Variants in HS2ST1 observed in about 807,000 individuals in gnomAD.
HS2ST1 encodes the protein 2-O-sulfotransferase.
Under a neutral mutation model 42.9 loss-of-function variants are expected in HS2ST1, and 18 were observed. That is an observed-to-expected ratio of 0.42 (90% CI 0.29 to 0.62). The LOEUF (loss-of-function observed/expected upper bound fraction) is 0.62, where lower values mean the gene tolerates loss of function less well. HS2ST1 is among the 20% of genes least tolerant of loss of function. HS2ST1 has a pLI of 0.21. For synonymous variants in HS2ST1, 146 were observed against 152.9 expected, an observed-to-expected ratio of 0.95 and a Z score of 0.33; for missense variants, 334 against 433.8, an observed-to-expected ratio of 0.77 and a Z score of 2.04.
intron 1 of HS2ST1, among the ~76,000 whole-genome samples, chr1:87,035,702 T>C (rs1650356573): frequency 6.6e-6 from 1 of 152,218 alleles, no homozygotes; most frequent in African/African-American, 2.4e-5. Flanking sequence ...TAAGAAAGTA[T>C]CCTAAGTATG....
intron 3 of HS2ST1, among the ~76,000 whole-genome samples, chr1:87,087,951 T>C (rs891096136): frequency 4.6e-5 from 7 of 152,098 alleles, no homozygotes; most frequent in Admixed American, 1.3e-4. Context: ...GTTTCAGATC[T>C]TTGAGCTTCA....
At chr1:86,946,839 G>A (rs1451365029) in intron 1 of HS2ST1, among the ~76,000 whole-genome samples, 1 of 152,088 alleles carries the variant, frequency 6.6e-6, no homozygotes, top group African/African-American at 2.4e-5. Context: ...TACCATATAT[G>A]TTCTGAAAAA....
intron 1 of HS2ST1, among the ~76,000 whole-genome samples, chr1:87,053,683 T>G (rs1299075300): frequency 6.6e-6 from 1 of 152,198 alleles, no homozygotes; most frequent in East Asian, 1.9e-4. Context: ...CAGTAAGACA[T>G]GAAACTAGCA....
chr1:86,997,552 C>A (rs1008529857), intron 1 of HS2ST1, among the ~76,000 whole-genome samples: 5 of 152,262 alleles, frequency 3.3e-5, no homozygotes, highest in Admixed American at 6.5e-5. Context: ...GTTCTGTGAT[C>A]TTTATCTTAT....
At chr1:87,060,287 T>A (rs1378213744) in intron 1 of HS2ST1, among the ~76,000 whole-genome samples, 1 of 152,204 alleles carries the variant, frequency 6.6e-6, no homozygotes, top group Non-Finnish European at 1.5e-5. Context: ...AAAATGCTTT[T>A]GCAATCCCAA....
intron 1 of HS2ST1, among the ~76,000 whole-genome samples, chr1:87,055,441 T>C (rs538247545): frequency 6.6e-6 from 1 of 152,338 alleles, no homozygotes; most frequent in African/African-American, 2.4e-5. Context: ...CCAGTCCCCA[T>C]GCTTCTTCCT....
intron 4 of HS2ST1, among the ~76,000 whole-genome samples, chr1:87,093,216 G>T (rs1651986816): frequency 6.6e-6 from 1 of 151,964 alleles, no homozygotes; most frequent in African/African-American, 2.4e-5. Flanking sequence ...CCTTTACTGG[G>T]ACTTCATGCT....
Position 87,053,975 on chromosome 1 carries a change from C to T in HS2ST1, c.125-18959C>T, listed in dbSNP as rs1295772546. On this transcript the variant is annotated intron_variant, in intron 1 of 6. Coordinates refer to ENST00000370550, the MANE Select transcript of HS2ST1 (RefSeq NM_012262.4). ...TTTACTCCTTTTACATCAGCTGATG[C>T]CTTTGTGTTGTGACTCTTAATTTCT... 2.6e-5 allele frequency among the ~76,000 whole-genome samples: 4 copies of T among 152,000 alleles called. No homozygotes were observed. In the East Asian group the frequency reaches 7.7e-4, roughly 29 times the overall value.
At chr1:87,044,268 T>A (rs1650590456) in intron 1 of HS2ST1, among the ~76,000 whole-genome samples, 2 of 152,134 alleles carry the variant, frequency 1.3e-5, no homozygotes, top group African/African-American at 4.8e-5. Flanking sequence ...TTTATTTAAT[T>A]TTGTAACAAG....
chr1:86,957,828 C>T (rs1259057760), intron 1 of HS2ST1, among the ~76,000 whole-genome samples: 8 of 123,632 alleles, frequency 6.5e-5, no homozygotes, highest in African/African-American at 2.5e-4. Context: ...GAGTTTCATT[C>T]TAGTCATCCA....
intron 1 of HS2ST1, among the ~76,000 whole-genome samples, chr1:86,952,291 CCTGTGG>C (rs2102187542): frequency 6.6e-6 from 1 of 152,246 alleles, no homozygotes; most frequent in Non-Finnish European, 1.5e-5. Context: ...AGGCTGGAGT[CCTGTGG>C]TGTGATCTCG....
At chr1:86,961,430 G>A (rs1048689976) in intron 1 of HS2ST1, among the ~76,000 whole-genome samples, 2 of 151,928 alleles carry the variant, frequency 1.3e-5, no homozygotes, top group Admixed American at 6.6e-5. Context: ...AATGATTACC[G>A]GAAGGATAGT....
intron 4 of HS2ST1, among the ~76,000 whole-genome samples, chr1:87,094,262 T>C (rs1211124603): frequency 6.6e-6 from 1 of 151,980 alleles, no homozygotes; most frequent in Non-Finnish European, 1.5e-5. Context: ...TATCCATCAT[T>C]TATCATTGTC....
rs972306440 is a variant in HS2ST1, at chr1:87,067,849, G to T, written c.125-5085G>T. ...AATCCTTTCCCCATTGCTTGTTTTT[G>T]TCAGGTTTGTCAAAGATCAGATGGT... On this transcript the variant is annotated intron_variant, in intron 1 of 6. Coordinates refer to ENST00000370550, the MANE Select transcript of HS2ST1 (RefSeq NM_012262.4). Among the ~76,000 whole-genome samples, 6 of 152,078 alleles carry T rather than the reference G, an allele frequency of 3.9e-5. No individual in the cohort carries two copies. In the South Asian group the frequency reaches 1.2e-3, roughly 32 times the overall value.
chr1:86,996,468 CA>C (rs150416035), intron 1 of HS2ST1, among the ~76,000 whole-genome samples: 3,405 of 143,008 alleles, frequency 0.024, 70 homozygotes, highest in African/African-American at 0.051. Flanking sequence ...AAAAAAGTAA[CA>C]GAAGTATGGC....
chr1:87,036,883 A>T (rs563062068), intron 1 of HS2ST1, among the ~76,000 whole-genome samples: 1 of 152,296 alleles, frequency 6.6e-6, no homozygotes, highest in South Asian at 2.1e-4. Context: ...TTTCTGAGAG[A>T]TTGTCATCAA....
At chr1:86,937,533 C>T (rs1378416938) in intron 1 of HS2ST1, among the ~76,000 whole-genome samples, 3 of 152,118 alleles carry the variant, frequency 2.0e-5, no homozygotes, top group African/African-American at 7.2e-5. Context: ...AATTATAAAA[C>T]AGTAGAATCA....
At chr1:86,990,971 G>A (rs775478068) in intron 1 of HS2ST1, among the ~76,000 whole-genome samples, 5 of 148,266 alleles carry the variant, frequency 3.4e-5, no homozygotes, top group African/African-American at 9.9e-5. Context: ...TGAGTGCCCA[G>A]CTGGACCCTG....
chr1:87,051,493 A>G (rs1271282143), intron 1 of HS2ST1, among the ~76,000 whole-genome samples: 2 of 152,236 alleles, frequency 1.3e-5, no homozygotes, highest in African/African-American at 4.8e-5. Context: ...AAGATCAACA[A>G]ATTATTTTAA....
Sources: allele counts gnomAD v4.1 joint callset (sites outside exome capture counted in the v4.1 genomes callset), GRCh38; gene constraint gnomAD v4.1.1; transcripts MANE v1.5; gene names NCBI Gene and HGNC (gene_info 2026-07-23, HGNC 2026-07-21).